The following APCDD1L variants were observed in gnomAD, a reference collection of about 807,000 sequenced individuals.
APCDD1L encodes the protein APC down-regulated 1 like, also known as protein APCDD1-like.
A neutral mutation model predicts 24.2 loss-of-function variants in APCDD1L; 21 were observed. The observed-to-expected ratio is 0.87, with a 90% CI of 0.61 to 1.25. APCDD1L has a LOEUF of 1.25. Among genes scored for constraint, APCDD1L ranks in the 50% most tolerant of loss-of-function variants. APCDD1L has a pLI of 0.00. For missense variants in APCDD1L, 704 were observed against 711.7 expected (o/e 0.99, Z 0.12); for synonymous variants, 321 against 323.6 (o/e 0.99, Z 0.09).
chr20:58,460,581 A>C lies in APCDD1L; in HGVS notation c.*209T>G. 2.8e-5 allele frequency: 13 copies of C among 471,362 alleles called. No homozygotes were observed. Among genetic ancestry groups the C allele is most frequent in the South Asian group, 9.4e-5 (1 of 10,670 alleles). 29.2% of individuals were successfully genotyped at this position (471,362 alleles called of 1,614,324 possible). A position where few individuals can be genotyped will look rare whatever the true frequency, so the allele number is the denominator to read the frequency against. On this transcript the variant is annotated 3_prime_UTR_variant, in exon 4 of 4. Transcript: ENST00000371149. The surrounding 1 kb of genome is among the most constrained non-coding windows in gnomAD (Gnocchi z 4.2). ...GCCGCATCCAAGTGCTTGACTGGGG[A>C]CCCGGGCTGTGGGATGTGGTATAGG...
At chr20:58,496,631 G>C (rs1175450793) in intron 1 of APCDD1L, among the ~76,000 whole-genome samples, 2 of 152,256 alleles carry the variant, frequency 1.3e-5, no homozygotes, top group Non-Finnish European at 2.9e-5. Context: ...GGAAGACACA[G>C]AGCTAATGTC....
chr20:58,489,858 G>T (rs377589448), intron 1 of APCDD1L, among the ~76,000 whole-genome samples: 15 of 152,122 alleles, frequency 9.9e-5, no homozygotes, highest in East Asian at 7.7e-4. Flanking sequence ...TTAAGAAAAA[G>T]AATGGAAATT....
At position 58,472,933 on chromosome 20, in the gene APCDD1L, G is replaced by A. The variant is rs78844334; in HGVS notation, c.50-2186C>T. ...GGGTGCACGTCAGCGTCAACACCACGTGCATGTGGGGCTTCTGCAATCTGC... is the reference window on the plus strand; with the variant it reads ...GGGTGCACGTCAGCGTCAACACCACATGCATGTGGGGCTTCTGCAATCTGC... On this transcript the variant is annotated intron_variant, in intron 1 of 3. Transcript: ENST00000371149. Among the ~76,000 whole-genome samples, 711 of 152,294 alleles carry A rather than the reference G, an allele frequency of 4.7e-3. 8 individuals are homozygous for A. The highest frequency in any genetic ancestry group is 0.016 in the African/African-American group (663 of 41,550).
At chr20:58,500,191 G>T (rs1488276532) in intron 1 of APCDD1L, among the ~76,000 whole-genome samples, 3 of 152,156 alleles carry the variant, frequency 2.0e-5, no homozygotes, top group Non-Finnish European at 4.4e-5. Flanking sequence ...ATGCATATGT[G>T]AATTTAAAGC....
intron 1 of APCDD1L, among the ~76,000 whole-genome samples, chr20:58,496,158 C>T (rs1051516244): frequency 1.3e-5 from 2 of 152,238 alleles, no homozygotes; most frequent in African/African-American, 2.4e-5. Flanking sequence ...TGCACAGCAA[C>T]TGCTTTATTC....
chr20:58,510,205 T>C (rs376699867), intron 1 of APCDD1L, among the ~76,000 whole-genome samples: 3 of 152,188 alleles, frequency 2.0e-5, no homozygotes, highest in African/African-American at 7.2e-5. Context: ...GTTGCCCTAT[T>C]TTCCATGAAG....
chr20:58,461,315 G>A lies in APCDD1L; in HGVS notation c.981C>T (p.Thr327=). The part of the protein sequence containing the change: ...HFSDPACRQP[T]FTVYAAGRYT... ...AGCGGCCGGCGGCATACACGGTGAA[G>A]GTGGGCTGCCGGCAGGCTGGGTCTG... Residue 327 remains threonine (T), a synonymous_variant, in exon 4 of 4, where the codon ACC becomes ACT. Coordinates refer to ENST00000371149, the MANE Select transcript of APCDD1L (RefSeq NM_153360.3). This position sits in a 1 kb window ranked among gnomAD's most constrained non-coding sequence, Gnocchi z 6.0. The A allele has an allele frequency of 6.2e-7, 1 of 1,605,642 alleles. No individual in the cohort carries two copies. The highest frequency in any genetic ancestry group is 8.5e-7 in the Non-Finnish European group (1 of 1,173,950).
chr20:58,504,800 C>A (rs1467160328), intron 1 of APCDD1L, among the ~76,000 whole-genome samples: 4 of 152,192 alleles, frequency 2.6e-5, no homozygotes, highest in African/African-American at 9.6e-5. Flanking sequence ...TTCCCAGGAA[C>A]ATCGATCTGC....
chr20:58,485,433 T>C (rs1162159824), intron 1 of APCDD1L, among the ~76,000 whole-genome samples: 1 of 152,218 alleles, frequency 6.6e-6, no homozygotes, highest in African/African-American at 2.4e-5. Flanking sequence ...GTCTAACATA[T>C]GAATATTGGA....
intron 1 of APCDD1L, among the ~76,000 whole-genome samples, chr20:58,513,465 C>A (rs986248184): frequency 6.6e-6 from 1 of 152,172 alleles, no homozygotes; most frequent in Non-Finnish European, 1.5e-5. Flanking sequence ...GAGGCACCCT[C>A]CCCTGACCCT....
intron 3 of APCDD1L, among the ~76,000 whole-genome samples, chr20:58,463,460 C>A (rs1989651115): frequency 6.6e-6 from 1 of 152,222 alleles, no homozygotes. Flanking sequence ...TGGGAGTAGT[C>A]TGCATTTTGG....
intron 1 of APCDD1L, among the ~76,000 whole-genome samples, chr20:58,478,255 C>T (rs764504294): frequency 7.9e-5 from 12 of 152,196 alleles, no homozygotes; most frequent in Non-Finnish European, 1.8e-4. Context: ...CTCCAAGGAG[C>T]TCTGATTCCT....
rs1322092755 is a variant in APCDD1L, at chr20:58,494,128, T to C, written c.49+20531A>G. ...GGTCTTCATCCTCATCACCTTCATG[T>C]TGAGTAGGCTGAGGAGGAGGAGGAA... On this transcript the variant is annotated intron_variant, in intron 1 of 3. Transcript: ENST00000371149. This position sits in a 1 kb window ranked among gnomAD's most constrained non-coding sequence, Gnocchi z 4.8. 6.6e-6 allele frequency among the ~76,000 whole-genome samples: 1 copy of C among 152,140 alleles called. No individual in the cohort carries two copies. Among genetic ancestry groups the C allele is most frequent in the Non-Finnish European group, 1.5e-5 (1 of 68,020 alleles).
Position 58,497,089 on chromosome 20 carries a change from C to T in APCDD1L, c.49+17570G>A, listed in dbSNP as rs1431621338. 2.6e-5 allele frequency among the ~76,000 whole-genome samples: 4 copies of T among 151,970 alleles called. No homozygotes were observed. The highest frequency in any genetic ancestry group is 4.4e-5 in the Non-Finnish European group (3 of 68,006). On this transcript the variant is annotated intron_variant, in intron 1 of 3. Coordinates refer to ENST00000371149, the MANE Select transcript of APCDD1L (RefSeq NM_153360.3). This position sits in a 1 kb window ranked among gnomAD's most constrained non-coding sequence, Gnocchi z 4.3. ...AGGAGTGAGGCCATGCAGGGGACAG[C>T]TCGAGAAAGACAGGGCTCCAGGGTC...
At chr20:58,487,452 T>C (rs1990141590) in intron 1 of APCDD1L, among the ~76,000 whole-genome samples, 3 of 150,182 alleles carry the variant, frequency 2.0e-5, no homozygotes. Context: ...GCATAAAAAG[T>C]ATAGTTTGTG....
At chr20:58,489,102 T>A (rs1407975683) in intron 1 of APCDD1L, among the ~76,000 whole-genome samples, 1 of 152,156 alleles carries the variant, frequency 6.6e-6, no homozygotes, top group South Asian at 2.1e-4. Flanking sequence ...AAGTTTATGA[T>A]CCAATGTGTG....
At position 58,467,532 on chromosome 20, in the gene APCDD1L, G is replaced by A. The variant is rs1989738637; in HGVS notation, c.315C>T (p.Leu105=). 1.3e-6 allele frequency: 2 copies of A among 1,592,192 alleles called. No homozygotes were observed. The highest frequency in any genetic ancestry group is 1.7e-5 in the Admixed American group (1 of 57,496). ...GGCGCAGGCGGACTTTGCCCTTGAC[G>A]AGCAGCGAGTGGGCAGGTTCCCCGC... ...PFCGEPAHSL[L]VKGKVRLRRA... The change falls in exon 3 of 4, where the codon CTC becomes CTT. Residue 105 remains leucine, a synonymous_variant. Transcript: ENST00000371149. This position sits in a 1 kb window ranked among gnomAD's most constrained non-coding sequence, Gnocchi z 5.9.
intron 1 of APCDD1L, among the ~76,000 whole-genome samples, chr20:58,485,106 C>G (rs1990097698): frequency 6.6e-6 from 1 of 151,360 alleles, no homozygotes; most frequent in Non-Finnish European, 1.5e-5. Context: ...CTTGATGTAG[C>G]TAAGCAAGCC....
intron 1 of APCDD1L, among the ~76,000 whole-genome samples, chr20:58,485,706 A>G (rs1990107266): frequency 6.6e-6 from 1 of 152,250 alleles, no homozygotes; most frequent in Non-Finnish European, 1.5e-5. Flanking sequence ...TCTTTAAAAA[A>G]TGCAAATCAG....
Sources: allele counts gnomAD v4.1 joint callset (sites outside exome capture counted in the v4.1 genomes callset), GRCh38; gene constraint gnomAD v4.1.1; non-coding constraint Gnocchi (gnomAD v3.1); transcripts MANE v1.5; gene names NCBI Gene and HGNC (gene_info 2026-07-23, HGNC 2026-07-21).